The following GRTP1 variants were observed in gnomAD, a reference collection of about 807,000 sequenced individuals.
GRTP1 encodes the protein growth hormone regulated TBC protein 1, also known as growth hormone-regulated TBC protein 1.
GRTP1 carries 56 observed loss-of-function variants against 38.1 expected under a neutral mutation model. The observed-to-expected ratio is 1.47, with a 90% CI of 1.19 to 1.84. The LOEUF (loss-of-function observed/expected upper bound fraction) is 1.84. Ranked by LOEUF, GRTP1 falls within the 40% of genes most tolerant of loss-of-function variation. The pLI is 0.00. For synonymous variants in GRTP1, 217 were observed against 189.5 expected (o/e 1.14, Z -1.19); for missense variants, 506 against 453.9 (o/e 1.11, Z -1.04).
intron 2 of GRTP1, chr13:113,361,641 C>G (rs2043501431): frequency 6.6e-6 from 1 of 152,212 alleles, no homozygotes; most frequent in Admixed American, 6.5e-5. Flanking sequence ...ACTGCAGAAC[C>G]AAGCGTGGAC....
rs150984093 is a variant in GRTP1 at position 113,329,155 on chromosome 13, C to T, written c.563-3064G>A. On this transcript the variant is annotated intron_variant, in intron 5 of 7. Transcript: ENST00000375431. ...TCTTCGGCCAGTCCCATGTACAGAG[C>T]CCAGCTGGGGGACCTAAGGTGTACA... Among the ~76,000 whole-genome samples, 21 of 152,346 alleles carry T rather than the reference C, an allele frequency of 1.4e-4. No homozygotes were observed. In the East Asian group the frequency reaches 4.1e-3, roughly 29 times the overall value.
intron 5 of GRTP1, among the ~76,000 whole-genome samples, chr13:113,338,793 G>T (rs2042989267): frequency 6.6e-6 from 1 of 152,126 alleles, no homozygotes; most frequent in South Asian, 2.1e-4. Flanking sequence ...GCTCACCAGG[G>T]AGCTCAGCCA....
intron 4 of GRTP1, among the ~76,000 whole-genome samples, chr13:113,347,868 G>T (rs1021467497): frequency 1.4e-5 from 2 of 146,970 alleles, no homozygotes; most frequent in African/African-American, 2.6e-5. Context: ...GAACAGATCC[G>T]GGAGGACCTC....
chr13:113,353,504 T>G (rs562753924), intron 3 of GRTP1, among the ~76,000 whole-genome samples: 67 of 152,340 alleles, frequency 4.4e-4, no homozygotes, highest in Admixed American at 3.3e-3. Context: ...GGACCCCAGC[T>G]GCAGAGGACG....
In GRTP1 at chr13:113,324,579, T is replaced by C; in HGVS notation, c.922-2A>G. 6.2e-7 allele frequency: 1 copy of C among 1,602,636 alleles called. No homozygotes were observed. Among genetic ancestry groups the C allele is most frequent in the East Asian group, 2.3e-5 (1 of 44,356 alleles). ...GCTTCCAGGTTCTGAAAATATTTTC[T>C]GGAAGGCAAACAGTTAGTTTAAAAA... On this transcript the variant is annotated splice_acceptor_variant, in intron 7 of 7. Transcript: ENST00000375431. LOFTEE classifies it high-confidence loss of function.
chr13:113,363,946 A>G lies in GRTP1; in HGVS notation c.33-36T>C, dbSNP rs1365151265. ...GAGAGAAGGAGGCCGGCGTCCCCGA[A>G]GTTTCCTCTGGGGGGTCGCGGGCCC... On this transcript the variant is annotated intron_variant, in intron 1 of 7. Transcript: ENST00000375431. 3.1e-6 allele frequency: 5 copies of G among 1,601,852 alleles called. No homozygotes were observed. In the Admixed American group the frequency reaches 6.8e-5, roughly 22 times the overall value.
chr13:113,342,042 A>T lies in GRTP1; in HGVS notation c.562+2821T>A, dbSNP rs560461757. Among the ~76,000 whole-genome samples, 1 of 152,140 alleles carries T rather than the reference A, an allele frequency of 6.6e-6. No homozygotes were observed. Among genetic ancestry groups the T allele is most frequent in the East Asian group, 1.9e-4 (1 of 5,138 alleles). Reference sequence around the variant, plus strand: ...CTCACTGCAACCTCAGCCTCCCTCAAGCTGATTCTTGTGCCTCAGCCTCCT... The same window carrying T: ...CTCACTGCAACCTCAGCCTCCCTCATGCTGATTCTTGTGCCTCAGCCTCCT... On this transcript the variant is annotated intron_variant, in intron 5 of 7. Coordinates refer to ENST00000375431, the MANE Select transcript of GRTP1 (RefSeq NM_024719.4). The surrounding 1 kb of genome is among the most constrained non-coding windows in gnomAD (Gnocchi z 4.5).
At chr13:113,346,223 T>TGAGCGGATCCGGGAGGACCTCTGTGGCC (rs1566429624) in intron 4 of GRTP1, among the ~76,000 whole-genome samples, 2 of 13,082 alleles carry the variant, frequency 1.5e-4, no homozygotes, top group Non-Finnish European at 3.1e-4. Context: ...CCTCTGTGGC[T>TGAGCGGATCCGGGAGGACCTCTGTGGCC]GAGAACAGAC....
intron 2 of GRTP1, among the ~76,000 whole-genome samples, chr13:113,360,624 G>A (rs1413324791): frequency 6.6e-6 from 1 of 152,202 alleles, no homozygotes; most frequent in Non-Finnish European, 1.5e-5. Flanking sequence ...CAGGCCAGTA[G>A]AGACACGCGA....
At position 113,343,499 on chromosome 13, in the gene GRTP1, T is replaced by C. The variant is rs7337607; in HGVS notation, c.562+1364A>G. Among the ~76,000 whole-genome samples the C allele has an allele frequency of 0.24, 36,383 of 152,080 alleles. 6,016 individuals are homozygous for C. Among genetic ancestry groups the C allele is most frequent in the African/African-American group, 0.47 (19,382 of 41,450 alleles). The stretch of plus-strand genomic sequence containing the variant: ...GGCGCTGATTCCTCCCTGCCCTTAA[T>C]GATGCACTTGAGCTTTGCCCCATCC... On this transcript the variant is annotated intron_variant, in intron 5 of 7. Transcript: ENST00000375431. The surrounding 1 kb of genome is among the most constrained non-coding windows in gnomAD (Gnocchi z 4.8).
chr13:113,347,801 C>T (rs1157596761), intron 4 of GRTP1, among the ~76,000 whole-genome samples: 2 of 144,802 alleles, frequency 1.4e-5, no homozygotes, highest in Admixed American at 6.8e-5. Flanking sequence ...TGTGGCTGAG[C>T]GGATCTGGGA....
Position 113,343,483 on chromosome 13 carries a change from T to G in GRTP1, c.562+1380A>C, listed in dbSNP as rs568032491. Among the ~76,000 whole-genome samples, 1 of 152,136 alleles carries G rather than the reference T, an allele frequency of 6.6e-6. No homozygotes were observed. The highest frequency in any genetic ancestry group is 1.5e-5 in the Non-Finnish European group (1 of 68,020). ...CCCTTGGGTTGAGGGTGGCGCTGAT[T>G]CCTCCCTGCCCTTAATGATGCACTT... On this transcript the variant is annotated intron_variant, in intron 5 of 7. Coordinates refer to ENST00000375431, the MANE Select transcript of GRTP1 (RefSeq NM_024719.4). This position sits in a 1 kb window ranked among gnomAD's most constrained non-coding sequence, Gnocchi z 4.8.
chr13:113,333,845 G>T (rs1219453595), intron 5 of GRTP1, among the ~76,000 whole-genome samples: 127 of 99,858 alleles, frequency 1.3e-3, no homozygotes, highest in African/African-American at 4.5e-3. Flanking sequence ...TTTAGTGTGT[G>T]TGTGTGTGTG....
rs78592109 is a variant in GRTP1, at chr13:113,338,459, C to T, written c.562+6404G>A. Among the ~76,000 whole-genome samples, 198 of 152,162 alleles carry T rather than the reference C, an allele frequency of 1.3e-3. 3 individuals carry two copies. In the East Asian group the frequency reaches 0.025, roughly 19 times the overall value. On this transcript the variant is annotated intron_variant, in intron 5 of 7. Transcript: ENST00000375431. ...CTCATGAGCGATGAACCAAACAGTC[C>T]GCAACAACAGTGGTGGGGGAAACCG...
chr13:113,363,248 C>T (rs2043531160), intron 2 of GRTP1, among the ~76,000 whole-genome samples: 1 of 152,216 alleles, frequency 6.6e-6, no homozygotes, highest in African/African-American at 2.4e-5. Context: ...CGCTCTGTCG[C>T]CCAGGCTGGA....
rs570076386 is a variant in GRTP1 at position 113,351,102 on chromosome 13, C to G, written c.341-129G>C. ...CGGACTGGTTTTCACCCTGGCCGCA[C>G]AGCAGACTCAACACAGCCAGAGCGA... On this transcript the variant is annotated intron_variant, in intron 3 of 7. Transcript: ENST00000375431. The G allele has an allele frequency of 2.6e-6, 3 of 1,169,740 alleles. No homozygotes were observed. In the East Asian group the frequency reaches 7.4e-5, roughly 29 times the overall value. 72.5% of individuals were successfully genotyped at this position (1,169,740 alleles called of 1,614,324 possible).
At chr13:113,334,280 A>ACTGCCCCCCGCCCCCCCCGCCCTGC (rs1202504022) in intron 5 of GRTP1, among the ~76,000 whole-genome samples, 1 of 142,484 alleles carries the variant, frequency 7.0e-6, no homozygotes, top group Non-Finnish European at 1.5e-5. Flanking sequence ...CACTGCCACG[A>ACTGCCCCCCGCCCCCCCCGCCCTGC]CAGCCTCCCG....
At chr13:113,356,478 G>C (rs1015649474) in intron 2 of GRTP1, among the ~76,000 whole-genome samples, 1 of 152,118 alleles carries the variant, frequency 6.6e-6, no homozygotes, top group Admixed American at 6.5e-5. Context: ...ATGTTGGCCA[G>C]GATGGTCTTG....
rs761892774 is a variant in GRTP1, at chr13:113,363,863, G to A, written c.80C>T (p.Ala27Val). Reference protein sequence around the residue: ...FERPEDFDDAAYEKFFSSYLV... With the variant: ...FERPEDFDDAVYEKFFSSYLV... The stretch of plus-strand genomic sequence containing the variant: ...GTAGCTGGAGAAAAACTTCTCGTAG[G>A]CGGCGTCGTCGAAGTCCTCAGGCCG... The change falls in exon 2 of 8, where the codon GCC (alanine) becomes GTC (valine). Residue 27 changes from alanine (A) to valine (V), a missense_variant. Physicochemically the swap from Ala to Val is moderately conservative, Grantham distance 64. Transcript: ENST00000375431. The A allele has an allele frequency of 1.9e-6, 3 of 1,611,956 alleles. No individual in the cohort carries two copies. Among genetic ancestry groups the A allele is most frequent in the Non-Finnish European group, 2.5e-6 (3 of 1,179,608 alleles).
Sources: gnomAD v4.1 joint callset for allele counts (sites outside exome capture counted in the v4.1 genomes callset) on GRCh38, gnomAD v4.1.1 for gene constraint, Gnocchi (gnomAD v3.1) non-coding constraint, MANE v1.5 for transcripts, NCBI Gene and HGNC (gene_info 2026-07-23, HGNC 2026-07-21) for gene names.